TRPM3: variants seen among roughly 807,000 people sequenced by gnomAD.
TRPM3 encodes transient receptor potential cation channel subfamily M member 3.
In TRPM3, 77 loss-of-function variants were observed where a neutral mutation model predicts 181.2. That is an observed-to-expected ratio of 0.42 (90% CI 0.35 to 0.51). The LOEUF is 0.51. Ranked by LOEUF, TRPM3 falls within the 20% of genes least tolerant of loss-of-function variation. TRPM3 has a pLI of 0.01. For missense variants in TRPM3, 1,759 were observed against 2,196.7 expected (o/e 0.80, Z 3.98); for synonymous variants, 745 against 796.4 (o/e 0.94, Z 1.09).
intron 14 of TRPM3, among the ~76,000 whole-genome samples, chr9:70,623,327 C>G (rs112710710): frequency 6.7e-6 from 1 of 149,380 alleles, no homozygotes; most frequent in African/African-American, 2.5e-5. Context: ...GACCACACCA[C>G]TGCACTCCAG....
intron 1 of TRPM3, among the ~76,000 whole-genome samples, chr9:71,013,885 ACTTATTT>A (rs1403102964): frequency 4.6e-5 from 7 of 151,870 alleles, no homozygotes; most frequent in African/African-American, 1.7e-4. Context: ...CTGGCTTTTC[ACTTATTT>A]CTTAATTCTA....
At chr9:71,029,491 A>G (rs2057014022) in intron 1 of TRPM3, among the ~76,000 whole-genome samples, 1 of 152,164 alleles carries the variant, frequency 6.6e-6, no homozygotes, top group African/African-American at 2.4e-5. Flanking sequence ...ATAACACCAA[A>G]TTAAGATATA....
At chr9:70,544,819 CAAG>C (rs917583098) in intron 25 of TRPM3, among the ~76,000 whole-genome samples, 69 of 152,114 alleles carry the variant, frequency 4.5e-4, no homozygotes, top group African/African-American at 1.6e-3. Flanking sequence ...AAACATTTCA[CAAG>C]AAGAAGTTTG....
chr9:70,624,841 T>C (rs1259622855), intron 14 of TRPM3, among the ~76,000 whole-genome samples: 1 of 152,254 alleles, frequency 6.6e-6, no homozygotes, highest in Non-Finnish European at 1.5e-5. Context: ...TGTTAACATA[T>C]AATGGGATTC....
intron 1 of TRPM3, among the ~76,000 whole-genome samples, chr9:71,356,479 G>A (rs973564139): frequency 2.0e-5 from 3 of 152,256 alleles, no homozygotes; most frequent in Non-Finnish European, 2.9e-5. Context: ...AAATAGAGAC[G>A]TAGTTAGGAG....
At chr9:70,598,041 TTGTACTTTATACACA>T (rs1411376070) in intron 21 of TRPM3, among the ~76,000 whole-genome samples, 1 of 152,212 alleles carries the variant, frequency 6.6e-6, no homozygotes, top group African/African-American at 2.4e-5. Flanking sequence ...TGTGGTTCTG[TTGTACTTTATACACA>T]TCTCTATTAC....
chr9:70,805,831 C>T (rs1337152715), intron 6 of TRPM3, among the ~76,000 whole-genome samples: 1 of 152,198 alleles, frequency 6.6e-6, no homozygotes, highest in African/African-American at 2.4e-5. Flanking sequence ...CATGCAGGCA[C>T]ACCATGTTTA....
chr9:70,547,268 C>T (rs1234873558), intron 25 of TRPM3, among the ~76,000 whole-genome samples: 1 of 152,014 alleles, frequency 6.6e-6, no homozygotes, highest in Non-Finnish European at 1.5e-5. Flanking sequence ...ACCATATATA[C>T]CTTTCCAAAT....
intron 1 of TRPM3, among the ~76,000 whole-genome samples, chr9:70,868,547 T>C (rs1343066136): frequency 6.6e-6 from 1 of 152,022 alleles, no homozygotes; most frequent in Admixed American, 6.6e-5. Context: ...TCTTACTATG[T>C]CCTCCCCACC....
intron 1 of TRPM3, among the ~76,000 whole-genome samples, chr9:70,874,266 T>A (rs1027231606): frequency 6.6e-6 from 1 of 151,998 alleles, no homozygotes; most frequent in African/African-American, 2.4e-5. Context: ...GGGCAATTAA[T>A]CATTGCTTGG....
At chr9:70,968,355 C>T (rs1038282849) in intron 1 of TRPM3, among the ~76,000 whole-genome samples, 3 of 152,226 alleles carry the variant, frequency 2.0e-5, no homozygotes, top group African/African-American at 4.8e-5. Context: ...AAGACTCTCC[C>T]GGAACAGACT....
chr9:71,188,690 C>T (rs2077830962), intron 1 of TRPM3, among the ~76,000 whole-genome samples: 1 of 151,836 alleles, frequency 6.6e-6, no homozygotes, highest in East Asian at 1.9e-4. Context: ...CTTCCAGACA[C>T]TCAAGTCTAC....
rs186022435 is a variant in TRPM3 at position 71,442,867 on chromosome 9, C to A, written c.183+3786G>T. On this transcript the variant is annotated intron_variant, in intron 1 of 24. Coordinates refer to the TRPM3 transcript ENST00000357533. Reference sequence around the variant, plus strand: ...CATTTCTGCACAGATAGAATCAAAACAAATAGCAGGAATAACAAGAACAAT... The same window carrying A: ...CATTTCTGCACAGATAGAATCAAAAAAAATAGCAGGAATAACAAGAACAAT... Among the ~76,000 whole-genome samples the A allele has an allele frequency of 5.8e-3, 882 of 152,182 alleles. 11 individuals are homozygous for A. Among genetic ancestry groups the A allele is most frequent in the African/African-American group, 0.02 (845 of 41,542 alleles).
At chr9:71,396,123 G>T (rs192438409) in intron 1 of TRPM3, among the ~76,000 whole-genome samples, 2 of 152,300 alleles carry the variant, frequency 1.3e-5, no homozygotes, top group Admixed American at 1.3e-4. Context: ...AAGCAGGCAA[G>T]TGACAAACAC....
At chr9:71,070,440 C>T (rs1591166146) in intron 1 of TRPM3, among the ~76,000 whole-genome samples, 1 of 152,192 alleles carries the variant, frequency 6.6e-6, no homozygotes, top group African/African-American at 2.4e-5. Context: ...GGTTGTGGAA[C>T]AAATCCACTG....
intron 22 of TRPM3, among the ~76,000 whole-genome samples, chr9:70,554,970 A>G (rs1031700746): frequency 6.6e-6 from 1 of 152,166 alleles, no homozygotes; most frequent in Admixed American, 6.5e-5. Flanking sequence ...CACCCTTAGA[A>G]GGAAAACTCA....
chr9:71,267,813 G>A (rs1400730284), intron 1 of TRPM3, among the ~76,000 whole-genome samples: 1 of 152,054 alleles, frequency 6.6e-6, no homozygotes, highest in Non-Finnish European at 1.5e-5. Flanking sequence ...TAGTTCCAGT[G>A]GATAATACGT....
chr9:71,413,797 A>T (rs961695979), intron 1 of TRPM3, among the ~76,000 whole-genome samples: 2 of 151,690 alleles, frequency 1.3e-5, no homozygotes. Context: ...CTGGGCCCTA[A>T]CCTGCCAGAT....
intron 1 of TRPM3, among the ~76,000 whole-genome samples, chr9:71,032,022 TATATAA>T (rs2057447556): frequency 1.6e-3 from 1 of 608 alleles, no homozygotes; most frequent in Non-Finnish European, 4.9e-3. Flanking sequence ...ATAATATATA[TATATAA>T]TATAAATATA....
Sources: gnomAD v4.1 joint callset for allele counts (sites outside exome capture counted in the v4.1 genomes callset) on GRCh38, gnomAD v4.1.1 for gene constraint, MANE v1.5 for transcripts, NCBI Gene and HGNC (gene_info 2026-07-23, HGNC 2026-07-21) for gene names.